Variants in VAC14 observed in about 807,000 individuals in gnomAD.
The protein encoded by VAC14 is protein VAC14 homolog.
VAC14 carries 47 observed loss-of-function variants against 85.3 expected under a neutral mutation model. The observed-to-expected ratio is 0.55, with a 90% confidence interval of 0.44 to 0.70. The LOEUF (loss-of-function observed/expected upper bound fraction) is 0.70, where lower values mean the gene tolerates loss of function less well. VAC14 is among the 30% of genes least tolerant of loss of function. The probability of loss-of-function intolerance (pLI) is 0.00; values close to 1 mark genes in which losing one functional copy is unlikely to be tolerated. For missense variants in VAC14, 861 were observed against 1,004.3 expected (o/e 0.86, Z 1.93); for synonymous variants, 447 against 430.5 (o/e 1.04, Z -0.47).
chr16:70,783,548 C>T lies in VAC14; in HGVS notation c.601G>A (p.Val201Ile). Reference protein sequence around the residue: ...ARQFIISWILVLESVPDINLL... With the variant: ...ARQFIISWILILESVPDINLL... ...TTAATGTCTGGCACCGACTCCAGAA[C>T]CAGGATCTGACCAGGGGAAGGGAAC... Residue 201 changes from valine (V) to isoleucine (I), a missense_variant, in exon 6 of 19, where the codon GTT (valine) becomes ATT (isoleucine). Transcript: ENST00000261776. 6.2e-7 allele frequency: 1 copy of T among 1,613,664 alleles called. No individual in the cohort carries two copies. The highest frequency in any genetic ancestry group is 2.2e-5 in the East Asian group (1 of 44,888).
intron 12 of VAC14, among the ~76,000 whole-genome samples, chr16:70,748,631 G>C (rs944377950): frequency 1.3e-5 from 2 of 152,208 alleles, no homozygotes; most frequent in Non-Finnish European, 2.9e-5. Context: ...CAAAGTGGTA[G>C]GCAGGGCCAG....
At chr16:70,748,524 C>T (rs182207921) in intron 12 of VAC14, among the ~76,000 whole-genome samples, 23 of 152,336 alleles carry the variant, frequency 1.5e-4, no homozygotes, top group Non-Finnish European at 2.1e-4. Context: ...CATTCATGGA[C>T]GCAGAACCAC....
chr16:70,789,149 C>A (rs759542201), intron 1 of VAC14, among the ~76,000 whole-genome samples: 1 of 152,048 alleles, frequency 6.6e-6, no homozygotes, highest in Non-Finnish European at 1.5e-5. Context: ...ACGCAGAATG[C>A]GGTGGGAGGA....
At chr16:70,690,553 G>T (rs1008497243) in intron 18 of VAC14, 7 of 985,468 alleles carry the variant, frequency 7.1e-6, no homozygotes, top group African/African-American at 3.5e-5. Context: ...CAGAAGCCAG[G>T]GGGTGGGGGA....
rs1388561681 is a variant in VAC14 at position 70,801,147 on chromosome 16, G to C, written c.-247C>G. On this transcript the variant is annotated 5_prime_UTR_variant, in exon 1 of 19. Coordinates refer to ENST00000261776, the MANE Select transcript of VAC14 (RefSeq NM_018052.5). ...GCGGGACTCACGAGACAGCGGCCAT[G>C]TTACTCGAGTCACATGACTCTACAG... 7.2e-6 allele frequency: 3 copies of C among 414,352 alleles called. No individual in the cohort carries two copies. The highest frequency in any genetic ancestry group is 1.3e-5 in the Non-Finnish European group (3 of 234,958). 25.7% of individuals were successfully genotyped at this position (414,352 alleles called of 1,614,324 possible).
intron 9 of VAC14, among the ~76,000 whole-genome samples, chr16:70,777,769 G>C (rs751417482): frequency 6.6e-6 from 1 of 152,192 alleles, no homozygotes; most frequent in African/African-American, 2.4e-5. Context: ...TGAGGAACGT[G>C]GTGCTGTCGG....
At chr16:70,689,439 AAG>A in intron 18 of VAC14, 2 of 984,920 alleles carry the variant, frequency 2.0e-6, no homozygotes, top group Non-Finnish European at 2.4e-6. Flanking sequence ...GTCCAGCAGG[AAG>A]AGTCAACGGC....
intron 1 of VAC14, among the ~76,000 whole-genome samples, chr16:70,795,262 C>T (rs558431674): frequency 6.6e-6 from 1 of 151,934 alleles, no homozygotes; most frequent in African/African-American, 2.4e-5. Context: ...GTCAGGAGAT[C>T]GGGACCATCC....
intron 10 of VAC14, chr16:70,771,437 C>CA (rs1346242380): frequency 6.6e-6 from 1 of 152,152 alleles, no homozygotes; most frequent in African/African-American, 2.4e-5. Flanking sequence ...CCTGGACAAA[C>CA]AGACAGCGAT....
chr16:70,696,583 G>C (rs191169372), intron 16 of VAC14, among the ~76,000 whole-genome samples: 3 of 152,342 alleles, frequency 2.0e-5, no homozygotes, highest in Non-Finnish European at 4.4e-5. Context: ...GGTGCCTCCT[G>C]CTTCTGAGGC....
chr16:70,687,818 C>A lies in VAC14; in HGVS notation c.*110G>T. The stretch of plus-strand genomic sequence containing the variant: ...CGGCCCCAACACTGCCCTGGGTTGG[C>A]AGGCCCAGCCCTGGTCCTGACAGGC... On this transcript the variant is annotated 3_prime_UTR_variant, in exon 19 of 19. Transcript: ENST00000261776. The A allele has an allele frequency of 8.2e-7, 1 of 1,220,424 alleles. No homozygotes were observed. The highest frequency in any genetic ancestry group is 1.1e-6 in the Non-Finnish European group (1 of 952,200). 75.6% of individuals were successfully genotyped at this position (1,220,424 alleles called of 1,614,324 possible). A position where few individuals can be genotyped will look rare whatever the true frequency, so the allele number is the denominator to read the frequency against.
chr16:70,706,992 C>T (rs571266739), intron 14 of VAC14, among the ~76,000 whole-genome samples: 60 of 152,340 alleles, frequency 3.9e-4, no homozygotes, highest in African/African-American at 1.4e-3. Flanking sequence ...GGCCTCCTCC[C>T]TGCCTTGTTC....
At chr16:70,761,022 T>TGTGTGTGTGTGGGGGGG in intron 12 of VAC14, 1 of 190,072 alleles carries the variant, frequency 5.3e-6, no homozygotes, top group South Asian at 3.0e-5. Context: ...TGTGTGTGCA[T>TGTGTGTGTGTGGGGGGG]GGGGGGGCGG....
intron 14 of VAC14, among the ~76,000 whole-genome samples, chr16:70,703,639 C>G (rs570766729): frequency 6.6e-6 from 1 of 152,176 alleles, no homozygotes; most frequent in Non-Finnish European, 1.5e-5. Flanking sequence ...TCTGCCTCCC[C>G]GTCTTGGGCT....
intron 4 of VAC14, among the ~76,000 whole-genome samples, chr16:70,784,484 G>C (rs1318823011): frequency 6.6e-6 from 1 of 152,140 alleles, no homozygotes; most frequent in East Asian, 1.9e-4. Flanking sequence ...TGGATGGAAT[G>C]CCCAGGCCCC....
At chr16:70,792,730 G>A (rs1030219310) in intron 1 of VAC14, among the ~76,000 whole-genome samples, 2 of 152,148 alleles carry the variant, frequency 1.3e-5, no homozygotes, top group African/African-American at 4.8e-5. Context: ...GAGAGCCTGG[G>A]GCCATCCAGC....
chr16:70,694,735 C>G (rs994444119), intron 17 of VAC14, among the ~76,000 whole-genome samples: 6 of 152,248 alleles, frequency 3.9e-5, no homozygotes, highest in Non-Finnish European at 7.3e-5. Flanking sequence ...GTGCTGAGAG[C>G]TGTGCTCGCC....
At chr16:70,761,016 T>TGTGTGTGTGTGCGCGCGTGC (rs1413571677) in intron 12 of VAC14, 1 of 300,870 alleles carries the variant, frequency 3.3e-6, no homozygotes, top group African/African-American at 4.2e-5. Context: ...TGTGTGTGTG[T>TGTGTGTGTGTGCGCGCGTGC]GTGCATGGGG....
intron 13 of VAC14, among the ~76,000 whole-genome samples, chr16:70,735,250 G>A (rs573768490): frequency 1.3e-5 from 2 of 152,082 alleles, no homozygotes; most frequent in Admixed American, 1.3e-4. Context: ...CAGAAGTTGC[G>A]TGGGAGCCAT....
Sources: gnomAD v4.1 joint callset for allele counts (sites outside exome capture counted in the v4.1 genomes callset) on GRCh38, gnomAD v4.1.1 for gene constraint, MANE v1.5 for transcripts, NCBI Gene and HGNC (gene_info 2026-07-23, HGNC 2026-07-21) for gene names.